SMOC2: variants seen among roughly 807,000 people sequenced by gnomAD.
SMOC2 encodes the protein SPARC related modular calcium binding 2.
Under a neutral mutation model 61.4 loss-of-function variants are expected in SMOC2, and 39 were observed. The ratio of observed to expected loss-of-function variants is 0.64; its 90% CI spans 0.49 to 0.83. SMOC2 has a LOEUF of 0.83. Ranked by LOEUF, SMOC2 falls within the 40% of genes least tolerant of loss-of-function variation. The pLI is 0.00. For synonymous variants in SMOC2, 247 were observed against 239.9 expected, an observed-to-expected ratio of 1.03 and a Z score of -0.27; for missense variants, 556 against 592.9, an observed-to-expected ratio of 0.94 and a Z score of 0.65.
chr6:168,559,163 T>G (rs1784330733), intron 7 of SMOC2, among the ~76,000 whole-genome samples: 1 of 152,190 alleles, frequency 6.6e-6, no homozygotes, highest in Non-Finnish European at 1.5e-5. Context: ...CACTTAAGAA[T>G]AGTAATTTAG....
intron 7 of SMOC2, among the ~76,000 whole-genome samples, chr6:168,582,136 G>A (rs904201895): frequency 1.1e-4 from 17 of 152,192 alleles, no homozygotes; most frequent in African/African-American, 2.7e-4. Flanking sequence ...GGAGCTAAAC[G>A]GTGGTTATTT....
At chr6:168,522,880 C>T (rs949958929) in intron 2 of SMOC2, among the ~76,000 whole-genome samples, 2 of 151,960 alleles carry the variant, frequency 1.3e-5, no homozygotes, top group Admixed American at 6.6e-5. Flanking sequence ...AGGAGGTAGA[C>T]GGATAGTTCT....
At chr6:168,554,169 C>T (rs916886194) in intron 7 of SMOC2, among the ~76,000 whole-genome samples, 5 of 152,044 alleles carry the variant, frequency 3.3e-5, no homozygotes, top group African/African-American at 4.8e-5. Flanking sequence ...ACCAGGTATC[C>T]GCATCTGTCA....
rs114083210 is a variant in SMOC2, at chr6:168,596,897, A to G, written c.638-1921A>G. Reference sequence around the variant, plus strand: ...AACTTATAAGACACAATCATATGAAATTTCAGTCATTGACAAATTTCTTTC... The same window carrying G: ...AACTTATAAGACACAATCATATGAAGTTTCAGTCATTGACAAATTTCTTTC... On this transcript the variant is annotated intron_variant, in intron 7 of 12. Transcript: ENST00000356284. Among the ~76,000 whole-genome samples the G allele has an allele frequency of 3.3e-3, 500 of 152,342 alleles. 5 individuals are homozygous for G. Among genetic ancestry groups the G allele is most frequent in the African/African-American group, 0.011 (470 of 41,594 alleles).
At position 168,479,134 on chromosome 6, in the gene SMOC2, G is replaced by A. The variant is rs111882245; in HGVS notation, c.85-30781G>A. On this transcript the variant is annotated intron_variant, in intron 1 of 12. Transcript: ENST00000356284. ...TTGAATGATTTATGGTATCTGGTCT[G>A]GAACAGCCCTGGTTTACAGACCCTG... 5.1e-3 allele frequency among the ~76,000 whole-genome samples: 484 copies of A among 94,608 alleles called. No individual in the cohort carries two copies. In the Middle Eastern group the frequency reaches 0.053, roughly 10 times the overall value. The allele number at this position is 94,608 out of a possible 152,430, so 62.1% of individuals were successfully genotyped here. A position where few individuals can be genotyped will look rare whatever the true frequency, so the allele number is the denominator to read the frequency against.
At chr6:168,567,737 G>C (rs1196940510) in intron 7 of SMOC2, among the ~76,000 whole-genome samples, 4 of 151,846 alleles carry the variant, frequency 2.6e-5, no homozygotes, top group African/African-American at 4.8e-5. Flanking sequence ...TCTGAAGCTC[G>C]ATGAGGAGCC....
chr6:168,495,162 A>G (rs1782555603), intron 1 of SMOC2, among the ~76,000 whole-genome samples: 2 of 152,210 alleles, frequency 1.3e-5, no homozygotes, highest in Admixed American at 1.3e-4. Context: ...CCTGCGCCCT[A>G]TGTGGGCTCC....
At chr6:168,469,913 A>G (rs76065008) in intron 1 of SMOC2, among the ~76,000 whole-genome samples, 2,549 of 152,382 alleles carry the variant, frequency 0.017, 84 homozygotes, top group African/African-American at 0.056. Flanking sequence ...AGACTAAATT[A>G]GAAACAATAA....
At chr6:168,548,132 AAAT>A (rs1351861336) in intron 6 of SMOC2, among the ~76,000 whole-genome samples, 1 of 152,222 alleles carries the variant, frequency 6.6e-6, no homozygotes, top group Non-Finnish European at 1.5e-5. Context: ...TATGCTTTGC[AAAT>A]AATAATAATG....
At chr6:168,532,248 C>T (rs1040417366) in intron 4 of SMOC2, among the ~76,000 whole-genome samples, 4 of 152,114 alleles carry the variant, frequency 2.6e-5, no homozygotes, top group Admixed American at 2.0e-4. Context: ...AGGGAGTGCC[C>T]TGCTGCCCCG....
intron 1 of SMOC2, among the ~76,000 whole-genome samples, chr6:168,463,735 C>T (rs1002944267): frequency 9.3e-5 from 14 of 151,086 alleles, no homozygotes; most frequent in Admixed American, 5.2e-4. Flanking sequence ...CTTCCGGACT[C>T]CTCTCCAGAG....
rs544291887 is a variant in SMOC2, at chr6:168,517,788, G to A, written c.256+7702G>A. On this transcript the variant is annotated intron_variant, in intron 2 of 12. Coordinates refer to ENST00000356284, the MANE Select transcript of SMOC2 (RefSeq NM_001166412.2). ...CTGACGGGTGAGGCGCTGGCAGCAC[G>A]TGGGAACCCCCTGTGGGGGTGAAAT... 2.0e-4 allele frequency among the ~76,000 whole-genome samples: 31 copies of A among 152,316 alleles called. No individual in the cohort carries two copies. In the East Asian group the frequency reaches 4.3e-3, roughly 21 times the overall value.
At chr6:168,501,793 G>A (rs906793820) in intron 1 of SMOC2, among the ~76,000 whole-genome samples, 37 of 152,244 alleles carry the variant, frequency 2.4e-4, no homozygotes, top group African/African-American at 8.7e-4. Context: ...TTGGTTGTGT[G>A]TGCATCCTGA....
At chr6:168,524,110 T>C (rs1279644635) in intron 2 of SMOC2, among the ~76,000 whole-genome samples, 1 of 152,150 alleles carries the variant, frequency 6.6e-6, no homozygotes, top group Non-Finnish European at 1.5e-5. Flanking sequence ...TGTTTCTGAG[T>C]GCTCATTCTC....
intron 11 of SMOC2, 69 bp downstream of exon 11, chr6:168,653,297 C>A: frequency 6.5e-7 from 1 of 1,529,536 alleles, no homozygotes; most frequent in South Asian, 1.3e-5. Context: ...CTGCTTCTCA[C>A]AAACACAATT....
chr6:168,665,270 C>T (rs908250142), intron 12 of SMOC2: 1 of 154,986 alleles, frequency 6.5e-6, no homozygotes, highest in Non-Finnish European at 1.4e-5. Flanking sequence ...GAAACAGAAG[C>T]AGGTTCCCCC....
intron 1 of SMOC2, among the ~76,000 whole-genome samples, chr6:168,477,308 G>T (rs1168262261): frequency 6.6e-6 from 1 of 152,140 alleles, no homozygotes; most frequent in Non-Finnish European, 1.5e-5. Context: ...GCCCACACTG[G>T]CTGGCCCTGA....
At chr6:168,617,892 G>T (rs1405026503) in intron 9 of SMOC2, among the ~76,000 whole-genome samples, 4 of 152,150 alleles carry the variant, frequency 2.6e-5, no homozygotes, top group African/African-American at 9.7e-5. Flanking sequence ...GAGAGGCGGG[G>T]GTCGCGTCCA....
chr6:168,490,926 A>C (rs1024223824), intron 1 of SMOC2, among the ~76,000 whole-genome samples: 1 of 152,200 alleles, frequency 6.6e-6, no homozygotes, highest in Non-Finnish European at 1.5e-5. Flanking sequence ...ACGGCAGGGC[A>C]GCTGGGGGCA....
Sources: gnomAD v4.1 joint callset for allele counts (sites outside exome capture counted in the v4.1 genomes callset) on GRCh38, gnomAD v4.1.1 for gene constraint, MANE v1.5 for transcripts, NCBI Gene and HGNC (gene_info 2026-07-23, HGNC 2026-07-21) for gene names.